AOAH: variants seen among roughly 807,000 people sequenced by gnomAD.
AOAH encodes the protein acyloxyacyl hydrolase, also known as acyloxyacyl hydrolase (neutrophil).
AOAH carries 64 observed loss-of-function variants against 92.2 expected under a neutral mutation model. The ratio of observed to expected loss-of-function variants is 0.69; its 90% CI spans 0.57 to 0.86. AOAH has a LOEUF of 0.86. Ranked by LOEUF, AOAH falls within the 40% of genes least tolerant of loss-of-function variation. AOAH has a pLI of 0.00. For synonymous variants in AOAH, 263 were observed against 254.5 expected (o/e 1.03, Z -0.32); for missense variants, 656 against 694.6 (o/e 0.94, Z 0.62).
intron 20 of AOAH, among the ~76,000 whole-genome samples, chr7:36,520,774 T>A (rs1312110003): frequency 6.6e-6 from 1 of 152,044 alleles, no homozygotes; most frequent in Non-Finnish European, 1.5e-5. Flanking sequence ...AAGACATCAT[T>A]TTTGGGGGAT....
chr7:36,588,818 C>G (rs1789540956), intron 12 of AOAH, among the ~76,000 whole-genome samples: 2 of 152,180 alleles, frequency 1.3e-5, no homozygotes, highest in Non-Finnish European at 2.9e-5. Context: ...TATTGTACCA[C>G]TTATAACAAT....
chr7:36,633,215 C>G (rs972614903), intron 5 of AOAH, among the ~76,000 whole-genome samples: 2 of 152,230 alleles, frequency 1.3e-5, no homozygotes, highest in African/African-American at 4.8e-5. Context: ...GATGCACATC[C>G]TTGCCTTCCA....
chr7:36,635,640 C>G (rs904752236), intron 5 of AOAH, among the ~76,000 whole-genome samples: 2 of 152,156 alleles, frequency 1.3e-5, no homozygotes, highest in African/African-American at 4.8e-5. Context: ...ATCCCAATAT[C>G]CGCATAGCCT....
chr7:36,540,558 A>C (rs1207219137), intron 15 of AOAH, 67 bp from the exon 16 acceptor site: 1 of 1,397,050 alleles, frequency 7.2e-7, no homozygotes, highest in Non-Finnish European at 9.9e-7. Flanking sequence ...AGTTGCACGC[A>C]AATACAAGAT....
chr7:36,654,818 A>G (rs1220426662), intron 4 of AOAH, among the ~76,000 whole-genome samples: 1 of 152,210 alleles, frequency 6.6e-6, no homozygotes, highest in African/African-American at 2.4e-5. Flanking sequence ...AGCACGGTGA[A>G]TGAGAATTTG....
At chr7:36,569,425 T>C (rs1787938857) in intron 13 of AOAH, among the ~76,000 whole-genome samples, 1 of 152,112 alleles carries the variant, frequency 6.6e-6, no homozygotes, top group Admixed American at 6.5e-5. Context: ...TGAGTCTTGT[T>C]TACTTTAGAG....
chr7:36,598,689 C>T (rs1383838213), intron 11 of AOAH, among the ~76,000 whole-genome samples: 4 of 152,114 alleles, frequency 2.6e-5, no homozygotes, highest in African/African-American at 7.2e-5. Flanking sequence ...CTAATAGAAG[C>T]CTTGGCATAT....
At chr7:36,578,850 G>A (rs570192464) in intron 12 of AOAH, among the ~76,000 whole-genome samples, 1 of 152,120 alleles carries the variant, frequency 6.6e-6, no homozygotes, top group South Asian at 2.1e-4. Context: ...ACCTGAGACT[G>A]GGTAATTTAT....
intron 3 of AOAH, among the ~76,000 whole-genome samples, chr7:36,669,938 C>A (rs779281155): frequency 6.6e-6 from 1 of 152,286 alleles, no homozygotes; most frequent in African/African-American, 2.4e-5. Flanking sequence ...AGAGCAATGG[C>A]GGTCTGAGAC....
intron 1 of AOAH, among the ~76,000 whole-genome samples, chr7:36,719,739 T>G (rs1187393533): frequency 6.6e-6 from 1 of 152,084 alleles, no homozygotes; most frequent in Non-Finnish European, 1.5e-5. Context: ...GAGACCAGCC[T>G]GGACAACATA....
intron 5 of AOAH, among the ~76,000 whole-genome samples, chr7:36,636,463 A>G (rs1199345111): frequency 6.6e-6 from 1 of 152,256 alleles, no homozygotes; most frequent in African/African-American, 2.4e-5. Flanking sequence ...GTGGAGAAGA[A>G]TAAAATACCA....
chr7:36,723,649 G>A (rs567173784), intron 1 of AOAH, among the ~76,000 whole-genome samples: 1 of 152,258 alleles, frequency 6.6e-6, no homozygotes, highest in South Asian at 2.1e-4. Context: ...GGAGAGAAGG[G>A]TAGGAGGAGG....
At chr7:36,576,678 A>C (rs1054408919) in intron 12 of AOAH, 22 bp from the exon 13 acceptor site, 5 of 1,293,228 alleles carry the variant, frequency 3.9e-6, no homozygotes, top group Non-Finnish European at 5.4e-6. Flanking sequence ...ATATATGTAT[A>C]TATTTAAGGT....
At chr7:36,631,061 A>C (rs143109186) in intron 6 of AOAH, among the ~76,000 whole-genome samples, 1 of 152,214 alleles carries the variant, frequency 6.6e-6, no homozygotes, top group Non-Finnish European at 1.5e-5. Flanking sequence ...AAGTAGCTTA[A>C]TGGGATGGGC....
intron 11 of AOAH, among the ~76,000 whole-genome samples, chr7:36,610,350 C>G (rs1791360752): frequency 6.6e-6 from 1 of 151,762 alleles, no homozygotes; most frequent in Admixed American, 6.6e-5. Context: ...ACTTGCTCTT[C>G]TTGTAACAGC....
At chr7:36,555,397 T>C (rs1360456609) in intron 13 of AOAH, among the ~76,000 whole-genome samples, 1 of 152,316 alleles carries the variant, frequency 6.6e-6, no homozygotes, top group South Asian at 2.1e-4. Flanking sequence ...CAGTATTTTA[T>C]TGAGGATTTT....
intron 13 of AOAH, among the ~76,000 whole-genome samples, chr7:36,555,203 G>C (rs1303362999): frequency 6.6e-6 from 1 of 151,466 alleles, no homozygotes; most frequent in African/African-American, 2.4e-5. Flanking sequence ...AAGGGTTGTT[G>C]AATTTTGTCA....
intron 13 of AOAH, among the ~76,000 whole-genome samples, chr7:36,553,828 GTTGT>G (rs1171913390): frequency 2.0e-5 from 3 of 152,136 alleles, no homozygotes; most frequent in Non-Finnish European, 4.4e-5. Context: ...TTTTCATGGG[GTTGT>G]TTGTTTTTTC....
chr7:36,632,983 CTGTCCT>C (rs1037671012), intron 5 of AOAH, among the ~76,000 whole-genome samples: 6 of 152,228 alleles, frequency 3.9e-5, no homozygotes, highest in Non-Finnish European at 7.3e-5. Flanking sequence ...GACAAAGAGG[CTGTCCT>C]TGTCCTCAGC....
Sources: allele counts gnomAD v4.1 joint callset (sites outside exome capture counted in the v4.1 genomes callset), GRCh38; gene constraint gnomAD v4.1.1; transcripts MANE v1.5; gene names NCBI Gene and HGNC (gene_info 2026-07-23, HGNC 2026-07-21).